FHOD3: variants seen among roughly 807,000 people sequenced by gnomAD.
The protein encoded by FHOD3 is formin homology 2 domain containing 3.
In FHOD3, 90 loss-of-function variants were observed where a neutral mutation model predicts 173.0. That is an observed-to-expected ratio of 0.52 (90% CI 0.44 to 0.62). The LOEUF (loss-of-function observed/expected upper bound fraction) is 0.62, where lower values mean the gene tolerates loss of function less well. Among genes scored for constraint, FHOD3 ranks in the 20% least tolerant of loss-of-function variants. FHOD3 has a pLI of 0.00. For missense variants in FHOD3, 1,945 were observed against 2,034.7 expected (o/e 0.96, Z 0.85); for synonymous variants, 828 against 823.0 (o/e 1.01, Z -0.10).
chr18:36,519,328 G>A (rs900898200), intron 5 of FHOD3, among the ~76,000 whole-genome samples: 3 of 152,196 alleles, frequency 2.0e-5, no homozygotes, highest in Non-Finnish European at 2.9e-5. Flanking sequence ...AGGGAGCTGG[G>A]TGCTGGCCCC....
At chr18:36,701,601 T>C (rs936435110) in intron 17 of FHOD3, among the ~76,000 whole-genome samples, 2 of 152,162 alleles carry the variant, frequency 1.3e-5, no homozygotes, top group Admixed American at 6.5e-5. Flanking sequence ...ACAAGGAGCA[T>C]AGATCTTTTC....
intron 15 of FHOD3, among the ~76,000 whole-genome samples, chr18:36,686,692 C>G (rs2038641662): frequency 6.6e-6 from 1 of 151,224 alleles, no homozygotes; most frequent in Non-Finnish European, 1.5e-5. Flanking sequence ...TTGTGGAGTG[C>G]AACATAGAAT....
chr18:36,464,841 T>TC (rs1486369082), intron 3 of FHOD3, among the ~76,000 whole-genome samples: 2 of 151,870 alleles, frequency 1.3e-5, no homozygotes, highest in Admixed American at 6.6e-5. Context: ...CCTCTGTCTC[T>TC]CCCCCCTCTT....
At chr18:36,648,216 G>A (rs2035819124) in intron 10 of FHOD3, among the ~76,000 whole-genome samples, 1 of 152,174 alleles carries the variant, frequency 6.6e-6, no homozygotes, top group Admixed American at 6.5e-5. Flanking sequence ...GTGGTCAGGG[G>A]TGGGAAGGTT....
At chr18:36,473,831 T>C (rs1330513535) in intron 3 of FHOD3, among the ~76,000 whole-genome samples, 1 of 152,230 alleles carries the variant, frequency 6.6e-6, no homozygotes, top group Admixed American at 6.5e-5. Flanking sequence ...AACATTTCCA[T>C]AGGAATATAT....
At chr18:36,730,918 T>G (rs2041324324) in intron 20 of FHOD3, 114 bp downstream of exon 20, 2 of 1,106,804 alleles carry the variant, frequency 1.8e-6, no homozygotes, top group Non-Finnish European at 2.5e-6. Flanking sequence ...AACTAGACTC[T>G]GAATAAGGTT....
intron 18 of FHOD3, among the ~76,000 whole-genome samples, chr18:36,714,966 C>T (rs545905996): frequency 2.6e-4 from 40 of 152,292 alleles, no homozygotes; most frequent in African/African-American, 9.1e-4. Flanking sequence ...AGGGCCCACC[C>T]TCCACGTGTT....
chr18:36,478,698 C>T (rs1417423665), intron 3 of FHOD3, among the ~76,000 whole-genome samples: 1 of 152,168 alleles, frequency 6.6e-6, no homozygotes, highest in African/African-American at 2.4e-5. Context: ...TTGTATCCCA[C>T]TTCTCTACTT....
At chr18:36,455,870 TCTTC>T (rs1324295954) in intron 3 of FHOD3, among the ~76,000 whole-genome samples, 1 of 152,150 alleles carries the variant, frequency 6.6e-6, no homozygotes, top group Non-Finnish European at 1.5e-5. Flanking sequence ...GAAATTTGGT[TCTTC>T]CTTCCCTTCC....
At chr18:36,679,315 G>T (rs986196163) in intron 14 of FHOD3, among the ~76,000 whole-genome samples, 5 of 151,774 alleles carry the variant, frequency 3.3e-5, no homozygotes, top group African/African-American at 1.2e-4. Context: ...AATTTTGATG[G>T]AACTTGTCTA....
At chr18:36,752,610 C>T (rs979676676) in intron 24 of FHOD3, among the ~76,000 whole-genome samples, 1 of 152,136 alleles carries the variant, frequency 6.6e-6, no homozygotes, top group Non-Finnish European at 1.5e-5. Context: ...TGAAGGAATA[C>T]CATAGTTTCT....
At chr18:36,518,887 C>T (rs1432063521) in intron 5 of FHOD3, among the ~76,000 whole-genome samples, 6 of 152,164 alleles carry the variant, frequency 3.9e-5, no homozygotes, top group African/African-American at 9.7e-5. Context: ...CTCTCTTTCA[C>T]GTCTCCTTGG....
intron 14 of FHOD3, 36 bp from the exon 15 acceptor site, chr18:36,681,400 C>G: frequency 6.2e-7 from 1 of 1,611,414 alleles, no homozygotes. Context: ...TAATCACAGG[C>G]CAAGCAACTG....
intron 1 of FHOD3, among the ~76,000 whole-genome samples, chr18:36,298,272 TGGA>T (rs1885036764): frequency 7.3e-6 from 1 of 137,844 alleles, no homozygotes; most frequent in African/African-American, 2.8e-5. Context: ...CGAGGCGGGA[TGGA>T]GAAGGCTCCC....
chr18:36,380,578 T>TTTCCTTTCCTTTCCTTTCCTTTCC (rs2047715673), intron 3 of FHOD3, among the ~76,000 whole-genome samples: 8 of 52,458 alleles, frequency 1.5e-4, no homozygotes, highest in South Asian at 1.0e-3. Flanking sequence ...TTTTCTTTTC[T>TTTCCTTTCCTTTCCTTTCCTTTCC]TTTCCTTTCC....
At chr18:36,494,868 GAGAT>G (rs2054659598) in intron 3 of FHOD3, among the ~76,000 whole-genome samples, 2 of 152,168 alleles carry the variant, frequency 1.3e-5, no homozygotes, top group East Asian at 1.9e-4. Context: ...GTTTGAGAAA[GAGAT>G]AGAATTTCTG....
At chr18:36,454,605 C>T (rs1205196692) in intron 3 of FHOD3, among the ~76,000 whole-genome samples, 1 of 152,036 alleles carries the variant, frequency 6.6e-6, no homozygotes, top group African/African-American at 2.4e-5. Context: ...GACTCTGAGA[C>T]AGCTAAATAT....
intron 17 of FHOD3, among the ~76,000 whole-genome samples, chr18:36,706,419 A>G (rs569191576): frequency 9.6e-4 from 146 of 152,304 alleles, no homozygotes; most frequent in African/African-American, 3.2e-3. Context: ...ATACCACCCC[A>G]GTGGTTGAAA....
At chr18:36,471,778 T>C (rs1346892688) in intron 3 of FHOD3, among the ~76,000 whole-genome samples, 1 of 152,234 alleles carries the variant, frequency 6.6e-6, no homozygotes, top group African/African-American at 2.4e-5. Context: ...TAAGTGATAC[T>C]TTCTTTGCAG....
Sources: allele counts gnomAD v4.1 joint callset (sites outside exome capture counted in the v4.1 genomes callset), GRCh38; gene constraint gnomAD v4.1.1; transcripts MANE v1.5; gene names NCBI Gene and HGNC (gene_info 2026-07-23, HGNC 2026-07-21).